DPP10: variants seen among roughly 807,000 people sequenced by gnomAD.
The protein encoded by DPP10 is inactive dipeptidyl peptidase 10.
Under a neutral mutation model 120.9 loss-of-function variants are expected in DPP10, and 33 were observed. That is an observed-to-expected ratio of 0.27 (90% CI 0.21 to 0.37). DPP10 has a LOEUF of 0.37. Among genes scored for constraint, DPP10 ranks in the 10% least tolerant of loss-of-function variants. DPP10 has a pLI of 1.00. For synonymous variants in DPP10, 337 were observed against 326.1 expected (o/e 1.03, Z -0.36); for missense variants, 816 against 942.8 (o/e 0.87, Z 1.76).
chr2:115,154,131 G>C (rs1409617532), intron 1 of DPP10, among the ~76,000 whole-genome samples: 1 of 152,124 alleles, frequency 6.6e-6, no homozygotes, highest in Non-Finnish European at 1.5e-5. Flanking sequence ...AGGAATTTAA[G>C]CTGTATTTAC....
intron 3 of DPP10, among the ~76,000 whole-genome samples, chr2:115,437,916 T>C (rs2071641978): frequency 6.6e-6 from 1 of 152,136 alleles, no homozygotes; most frequent in African/African-American, 2.4e-5. Flanking sequence ...TTTATTAAAT[T>C]CATTTTATGT....
At chr2:115,334,761 C>G (rs1364041721) in intron 2 of DPP10, among the ~76,000 whole-genome samples, 1 of 151,782 alleles carries the variant, frequency 6.6e-6, no homozygotes, top group Non-Finnish European at 1.5e-5. Context: ...TTATAGGGCC[C>G]TGTATATTTT....
intron 1 of DPP10, among the ~76,000 whole-genome samples, chr2:114,537,241 C>A (rs900042903): frequency 1.3e-5 from 2 of 152,102 alleles, no homozygotes; most frequent in Non-Finnish European, 1.5e-5. Flanking sequence ...GCTAGACTAC[C>A]GTGAGATCTG....
intron 5 of DPP10, among the ~76,000 whole-genome samples, chr2:115,642,297 G>A (rs2086849001): frequency 6.6e-6 from 1 of 151,976 alleles, no homozygotes. Context: ...CTGTGACAGT[G>A]CTTTTTTGGA....
At chr2:114,793,883 T>G (rs1683461940) in intron 1 of DPP10, among the ~76,000 whole-genome samples, 1 of 152,178 alleles carries the variant, frequency 6.6e-6, no homozygotes, top group Non-Finnish European at 1.5e-5. Context: ...CTCTAGTGCT[T>G]CAAGTGGGTA....
chr2:115,807,795 A>T (rs1454202755), intron 19 of DPP10, among the ~76,000 whole-genome samples: 1 of 151,786 alleles, frequency 6.6e-6, no homozygotes, highest in Non-Finnish European at 1.5e-5. Context: ...GATCAAGAAA[A>T]AAAAAAACAT....
chr2:115,042,919 A>G (rs1035839799), intron 1 of DPP10, among the ~76,000 whole-genome samples: 10 of 152,216 alleles, frequency 6.6e-5, no homozygotes, highest in Non-Finnish European at 1.5e-4. Context: ...AAACCCTTGG[A>G]CTTCATGATA....
At chr2:115,586,643 A>T (rs2082306981) in intron 5 of DPP10, among the ~76,000 whole-genome samples, 1 of 152,168 alleles carries the variant, frequency 6.6e-6, no homozygotes, top group Non-Finnish European at 1.5e-5. Context: ...TTCTTCTGGG[A>T]ATAAAATACT....
At chr2:114,903,577 A>T (rs915226352) in intron 1 of DPP10, among the ~76,000 whole-genome samples, 2 of 152,152 alleles carry the variant, frequency 1.3e-5, no homozygotes, top group African/African-American at 4.8e-5. Context: ...CTCTTCTTTG[A>T]TACAGTGTCT....
chr2:115,095,929 C>T (rs941181799), intron 1 of DPP10, among the ~76,000 whole-genome samples: 1 of 151,894 alleles, frequency 6.6e-6, no homozygotes, highest in African/African-American at 2.4e-5. Flanking sequence ...GATGAGCAAG[C>T]CTCTTGATCT....
intron 5 of DPP10, among the ~76,000 whole-genome samples, chr2:115,678,024 A>G (rs976153698): frequency 1.3e-5 from 2 of 152,246 alleles, no homozygotes; most frequent in African/African-American, 4.8e-5. Flanking sequence ...AGCCAAAAAC[A>G]AGTCTCAATA....
chr2:115,715,100 G>A (rs2092447761), intron 7 of DPP10, among the ~76,000 whole-genome samples: 6 of 151,004 alleles, frequency 4.0e-5, no homozygotes, highest in African/African-American at 1.5e-4. Context: ...AGCATTTTGG[G>A]AGGCCGAGGG....
intron 1 of DPP10, among the ~76,000 whole-genome samples, chr2:115,149,446 A>G (rs1458651871): frequency 6.6e-6 from 1 of 152,192 alleles, no homozygotes; most frequent in Non-Finnish European, 1.5e-5. Context: ...TATCATCCTC[A>G]TCAATTAGGA....
intron 1 of DPP10, among the ~76,000 whole-genome samples, chr2:115,183,542 G>A (rs983296155): frequency 1.3e-5 from 2 of 152,200 alleles, no homozygotes; most frequent in African/African-American, 4.8e-5. Context: ...CAAAAAATAT[G>A]TGTGAATTTG....
chr2:114,473,709 T>C (rs950253075), intron 1 of DPP10, among the ~76,000 whole-genome samples: 2 of 152,218 alleles, frequency 1.3e-5, no homozygotes, highest in African/African-American at 4.8e-5. Context: ...ATAGATACAA[T>C]GTAACCTTTA....
At chr2:114,454,844 A>G (rs1011315296) in intron 1 of DPP10, among the ~76,000 whole-genome samples, 2 of 152,012 alleles carry the variant, frequency 1.3e-5, no homozygotes, top group Middle Eastern at 3.4e-3. Context: ...ACCTTCCACT[A>G]TATATTGAAT....
intron 1 of DPP10, among the ~76,000 whole-genome samples, chr2:114,606,743 A>G (rs190603251): frequency 7.9e-5 from 12 of 152,310 alleles, no homozygotes; most frequent in Middle Eastern, 6.8e-3. Flanking sequence ...GCCATTTCAT[A>G]CCTTATAAAT....
intron 1 of DPP10, among the ~76,000 whole-genome samples, chr2:115,038,179 C>A (rs1186887183): frequency 1.3e-5 from 2 of 152,116 alleles, no homozygotes; most frequent in East Asian, 1.9e-4. Context: ...TACAAATACA[C>A]CACAAGTCAG....
chr2:114,658,966 G>A (rs551747084), intron 1 of DPP10, among the ~76,000 whole-genome samples: 2 of 152,106 alleles, frequency 1.3e-5, no homozygotes, highest in Non-Finnish European at 2.9e-5. Context: ...TGCCGTTCTC[G>A]TGATGGTGAG....
Sources: gnomAD v4.1 joint callset for allele counts (sites outside exome capture counted in the v4.1 genomes callset) on GRCh38, gnomAD v4.1.1 for gene constraint, MANE v1.5 for transcripts, NCBI Gene and HGNC (gene_info 2026-07-23, HGNC 2026-07-21) for gene names.